The following LRP1B variants were observed in gnomAD, a reference collection of about 807,000 sequenced individuals.
The protein encoded by LRP1B is LDL receptor related protein 1B.
In LRP1B, 217 loss-of-function variants were observed where a neutral mutation model predicts 556.6. The ratio of observed to expected loss-of-function variants is 0.39; its 90% confidence interval spans 0.35 to 0.44. LRP1B has a LOEUF of 0.44. Among genes scored for constraint, LRP1B ranks in the 20% least tolerant of loss-of-function variants. LRP1B has a pLI of 1.00. For missense variants in LRP1B, 5,053 were observed against 5,620.8 expected, an observed-to-expected ratio of 0.90 and a Z score of 3.23; for synonymous variants, 2,047 against 1,865.8, an observed-to-expected ratio of 1.10 and a Z score of -2.50.
intron 3 of LRP1B, among the ~76,000 whole-genome samples, chr2:141,256,250 G>A (rs112039177): frequency 6.6e-6 from 1 of 151,916 alleles, no homozygotes; most frequent in Admixed American, 6.6e-5. Context: ...CAAAATTAAT[G>A]AGAATGTAGC....
At chr2:141,260,171 A>G (rs1476873716) in intron 3 of LRP1B, among the ~76,000 whole-genome samples, 2 of 152,212 alleles carry the variant, frequency 1.3e-5, no homozygotes, top group Non-Finnish European at 2.9e-5. Flanking sequence ...TCCAACAGAT[A>G]GTGAAACACT....
chr2:140,360,450 C>G (rs564147762), intron 72 of LRP1B, among the ~76,000 whole-genome samples: 2 of 151,518 alleles, frequency 1.3e-5, no homozygotes, highest in Non-Finnish European at 3.0e-5. Context: ...GCTTCCATAG[C>G]TTTATCCTAT....
chr2:141,172,454 CG>C (rs1680541156), intron 7 of LRP1B, among the ~76,000 whole-genome samples: 1 of 151,932 alleles, frequency 6.6e-6, no homozygotes. Context: ...GGCAAGGAAC[CG>C]TGATCCTTTA....
intron 2 of LRP1B, among the ~76,000 whole-genome samples, chr2:141,541,202 G>C (rs577092787): frequency 2.0e-5 from 3 of 151,956 alleles, no homozygotes; most frequent in African/African-American, 7.2e-5. Flanking sequence ...ATTTCCAATA[G>C]AGGTTCCAGG....
intron 2 of LRP1B, among the ~76,000 whole-genome samples, chr2:141,544,322 C>CTTCTTCTTCTTCTTCTTCTTCTTCTTCTT (rs1553533137): frequency 6.3e-4 from 32 of 50,404 alleles, no homozygotes; most frequent in East Asian, 2.5e-3. Flanking sequence ...TCTTCTTCTT[C>CTTCTTCTTCTTCTTCTTCTTCTTCTTCTT]TTCTTCTTCT....
At chr2:141,111,258 T>C (rs1470391809) in intron 7 of LRP1B, among the ~76,000 whole-genome samples, 2 of 152,308 alleles carry the variant, frequency 1.3e-5, no homozygotes, top group South Asian at 2.1e-4. Context: ...ACTTAATGTA[T>C]ACTGTGCCTG....
chr2:141,030,813 A>C (rs747804058), intron 11 of LRP1B, among the ~76,000 whole-genome samples: 1 of 152,084 alleles, frequency 6.6e-6, no homozygotes, highest in Non-Finnish European at 1.5e-5. Flanking sequence ...TAATAAAGAA[A>C]AAATAAAAGT....
intron 79 of LRP1B, among the ~76,000 whole-genome samples, chr2:140,332,523 T>G (rs2105079374): frequency 6.6e-6 from 1 of 152,186 alleles, no homozygotes; most frequent in East Asian, 2.0e-4. Flanking sequence ...GCTTTTGTAG[T>G]GAGGACTCGC....
At chr2:140,627,731 T>C (rs1683716813) in intron 41 of LRP1B, among the ~76,000 whole-genome samples, 1 of 152,134 alleles carries the variant, frequency 6.6e-6, no homozygotes, top group Admixed American at 6.5e-5. Context: ...TAATTATTTA[T>C]ATATACAGAA....
intron 7 of LRP1B, among the ~76,000 whole-genome samples, chr2:141,095,714 A>G (rs1363066492): frequency 1.3e-5 from 2 of 152,072 alleles, no homozygotes; most frequent in African/African-American, 2.4e-5. Flanking sequence ...TCAAGTGGCA[A>G]CAAGAGCACC....
intron 1 of LRP1B, among the ~76,000 whole-genome samples, chr2:142,029,680 C>T (rs1275813904): frequency 2.0e-5 from 3 of 151,702 alleles, no homozygotes; most frequent in Non-Finnish European, 4.4e-5. Context: ...AAACTCTCAT[C>T]CCTCAACTTC....
At chr2:140,293,135 A>T (rs1683460989) in intron 84 of LRP1B, among the ~76,000 whole-genome samples, 1 of 152,204 alleles carries the variant, frequency 6.6e-6, no homozygotes, top group South Asian at 2.1e-4. Flanking sequence ...AGTATCAGTG[A>T]GAGAACAAGC....
At chr2:141,175,222 G>A (rs1214512750) in intron 7 of LRP1B, among the ~76,000 whole-genome samples, 3 of 152,146 alleles carry the variant, frequency 2.0e-5, no homozygotes, top group African/African-American at 7.2e-5. Flanking sequence ...CTGGGCATGT[G>A]ATAGAAAAGA....
chr2:141,793,893 T>C (rs971578296), intron 2 of LRP1B, among the ~76,000 whole-genome samples: 1 of 151,900 alleles, frequency 6.6e-6, no homozygotes, highest in African/African-American at 2.4e-5. Flanking sequence ...CTTATTCCAA[T>C]TAAGTCGGAA....
chr2:141,224,570 C>T (rs1683172618), intron 6 of LRP1B, among the ~76,000 whole-genome samples: 1 of 152,040 alleles, frequency 6.6e-6, no homozygotes. Context: ...TGGAATCAAC[C>T]CGAATGCCCA....
chr2:140,452,596 AACAGCC>A (rs1686929968), intron 62 of LRP1B, among the ~76,000 whole-genome samples: 1 of 152,126 alleles, frequency 6.6e-6, no homozygotes, highest in Non-Finnish European at 1.5e-5. Flanking sequence ...ATAAGTGACT[AACAGCC>A]AGCTGGCATT....
At chr2:141,319,461 A>G (rs1445043630) in intron 3 of LRP1B, among the ~76,000 whole-genome samples, 3 of 152,012 alleles carry the variant, frequency 2.0e-5, no homozygotes, top group African/African-American at 4.8e-5. Flanking sequence ...CATATAGTAT[A>G]TCACATACAC....
chr2:140,495,310 GTTC>G (rs1688871080), intron 56 of LRP1B, among the ~76,000 whole-genome samples: 1 of 136,878 alleles, frequency 7.3e-6, no homozygotes, highest in African/African-American at 2.8e-5. Flanking sequence ...GCTAGAGATA[GTTC>G]TTTTTTTTTT....
chr2:140,462,389 G>A lies in LRP1B; in HGVS notation c.9626-4738C>T, dbSNP rs75479084. Among the ~76,000 whole-genome samples, 341 of 152,246 alleles carry A rather than the reference G, an allele frequency of 2.2e-3. 10 individuals carry two copies. In the East Asian group the frequency reaches 0.057, roughly 26 times the overall value. Reference sequence around the variant, plus strand: ...TAATAAAGAATTATTTATAGAGATGGACATGCAAAGGTACAAATCATGCAT... The same window carrying A: ...TAATAAAGAATTATTTATAGAGATGAACATGCAAAGGTACAAATCATGCAT... On this transcript the variant is annotated intron_variant, in intron 60 of 90. Transcript: ENST00000389484.
Sources: allele counts gnomAD v4.1 joint callset (sites outside exome capture counted in the v4.1 genomes callset), GRCh38; gene constraint gnomAD v4.1.1; transcripts MANE v1.5; gene names NCBI Gene and HGNC (gene_info 2026-07-23, HGNC 2026-07-21).